Variants in TG observed in about 807,000 individuals in gnomAD.
The protein encoded by TG is thyroid hormones.
TG carries 270 observed loss-of-function variants against 324.7 expected under a neutral mutation model. The ratio of observed to expected loss-of-function variants is 0.83; its 90% confidence interval spans 0.75 to 0.92. The LOEUF is 0.92. Among genes scored for constraint, TG ranks in the 40% least tolerant of loss-of-function variants. The pLI, the probability that TG is intolerant of heterozygous loss-of-function variation, is 0.00. For missense variants in TG, 3,591 were observed against 3,456.4 expected (o/e 1.04, Z -0.98); for synonymous variants, 1,401 against 1,327.0 (o/e 1.06, Z -1.21).
intron 45 of TG, among the ~76,000 whole-genome samples, chr8:133,125,447 G>T (rs1564216208): frequency 6.6e-6 from 1 of 152,218 alleles, no homozygotes; most frequent in African/African-American, 2.4e-5. Context: ...CAAAGGCCAA[G>T]GCCCTAAGTG....
intron 39 of TG, among the ~76,000 whole-genome samples, chr8:133,021,035 G>C (rs1835513473): frequency 1.3e-5 from 2 of 152,114 alleles, no homozygotes; most frequent in Admixed American, 1.3e-4. Flanking sequence ...CAGATCCCCA[G>C]CTCAGACACA....
intron 5 of TG, among the ~76,000 whole-genome samples, chr8:132,881,336 T>G (rs1210777390): frequency 6.6e-6 from 1 of 152,184 alleles, no homozygotes; most frequent in Non-Finnish European, 1.5e-5. Context: ...TTTTTTCAAC[T>G]ATGGGACTGG....
At chr8:132,999,165 G>T (rs1833193895) in intron 35 of TG, among the ~76,000 whole-genome samples, 1 of 152,188 alleles carries the variant, frequency 6.6e-6, no homozygotes, top group Admixed American at 6.5e-5. Context: ...GCAACAACGT[G>T]AGTTGGTTTC....
chr8:132,894,962 T>A (rs901984841), intron 11 of TG, among the ~76,000 whole-genome samples: 1 of 152,222 alleles, frequency 6.6e-6, no homozygotes, highest in Admixed American at 6.5e-5. Flanking sequence ...TGGGCCTGGA[T>A]GGGAAGCCCA....
chr8:132,949,051 T>A, intron 27 of TG, 108 bp downstream of exon 27: 4 of 920,656 alleles, frequency 4.3e-6, no homozygotes, highest in Admixed American at 2.8e-5. Flanking sequence ...AGCTTATACT[T>A]CTGAAAAAAA....
rs766474626 is a variant in TG at position 132,908,232 on chromosome 8, C to T, written c.3894C>T (p.Leu1298=). ...TCCAGACCCAAGGGCACTTTCAGCTCCAGCTCCCGCCGGGCAAGATGTGCA... is the reference window on the plus strand; with the variant it reads ...TCCAGACCCAAGGGCACTTTCAGCTTCAGCTCCCGCCGGGCAAGATGTGCA... The part of the protein sequence containing the change: ...QTIQTQGHFQ[L]QLPPGKMCSA... The change falls in exon 18 of 48, where the codon CTC becomes CTT. Residue 1298 remains leucine (L), a synonymous_variant. Coordinates refer to ENST00000220616, the MANE Select transcript of TG (RefSeq NM_003235.5). 15 of 1,614,012 alleles carry T rather than the reference C, an allele frequency of 9.3e-6. No individual in the cohort carries two copies. Among genetic ancestry groups the T allele is most frequent in the Non-Finnish European group, 1.1e-5 (13 of 1,180,004 alleles).
intron 41 of TG, among the ~76,000 whole-genome samples, chr8:133,075,704 G>C (rs533231475): frequency 6.6e-6 from 1 of 152,116 alleles, no homozygotes; most frequent in Admixed American, 6.5e-5. Context: ...TGGCACAAAA[G>C]TTATTGTGGT....
intron 45 of TG, among the ~76,000 whole-genome samples, chr8:133,119,060 T>C (rs1242396966): frequency 6.6e-6 from 1 of 151,672 alleles, no homozygotes. Flanking sequence ...GGGGAGGGAG[T>C]GTGGCCCTGC....
chr8:133,031,849 C>T (rs981339336), intron 41 of TG, among the ~76,000 whole-genome samples: 1 of 152,218 alleles, frequency 6.6e-6, no homozygotes, highest in Admixed American at 6.5e-5. Flanking sequence ...CCATCCCCCT[C>T]TTTGCCTGCC....
intron 41 of TG, among the ~76,000 whole-genome samples, chr8:133,042,123 CTG>C (rs1239278772): frequency 3.3e-5 from 5 of 152,096 alleles, no homozygotes; most frequent in Non-Finnish European, 5.9e-5. Context: ...GAGGGAAAAA[CTG>C]AGCATCCCGA....
At chr8:133,016,472 A>G (rs971013710) in intron 37 of TG, among the ~76,000 whole-genome samples, 13 of 152,300 alleles carry the variant, frequency 8.5e-5, no homozygotes, top group African/African-American at 2.9e-4. Context: ...GAACCTCTAT[A>G]TGATACAAAG....
At chr8:132,949,670 C>A (rs980358763) in intron 27 of TG, among the ~76,000 whole-genome samples, 6 of 152,194 alleles carry the variant, frequency 3.9e-5, no homozygotes, top group African/African-American at 1.4e-4. Context: ...ATTGCATGGA[C>A]TCAACTAACA....
At chr8:132,927,676 A>T (rs1311975247) in intron 22 of TG, among the ~76,000 whole-genome samples, 5 of 152,348 alleles carry the variant, frequency 3.3e-5, no homozygotes, top group African/African-American at 1.2e-4. Flanking sequence ...CTCTTTTCTG[A>T]AAACCAGCAG....
chr8:133,116,734 A>G lies in TG; in HGVS notation c.7862+18A>G. The G allele has an allele frequency of 6.2e-7, 1 of 1,606,122 alleles. No individual in the cohort carries two copies. Among genetic ancestry groups the G allele is most frequent in the Non-Finnish European group, 8.5e-7 (1 of 1,172,692 alleles). On this transcript the variant is annotated intron_variant, in intron 45 of 47. Transcript: ENST00000220616. ...CATGGCAGGTAAGACGCTGCAGGGA[A>G]GCAGAGAAAGGAAGGTAAAACCGAA... is the stretch of plus-strand genomic sequence containing the variant.
chr8:132,895,989 G>C (rs1217958925), intron 11 of TG, among the ~76,000 whole-genome samples: 2 of 152,242 alleles, frequency 1.3e-5, no homozygotes, highest in African/African-American at 4.8e-5. Flanking sequence ...TCTTTTCCCT[G>C]AGAGTCTGGG....
Position 132,971,825 on chromosome 8 carries a change from G to A in TG, c.6007G>A (p.Asp2003Asn). Residue 2003 changes from aspartate to asparagine, a missense_variant, in exon 33 of 48, where the codon GAC (aspartate) becomes AAC (asparagine). Asp to Asn is a conservative substitution (Grantham distance 23). Coordinates refer to ENST00000220616, the MANE Select transcript of TG (RefSeq NM_003235.5). Reference sequence around the variant, plus strand: ...TGAATGTGAACGACGGTGCGATGCGGACCCATGCTGCACTGGCTTTGGATT... The same window carrying A: ...TGAATGTGAACGACGGTGCGATGCGAACCCATGCTGCACTGGCTTTGGATT... ...FFECERRCDA[D>N]PCCTGFGFLN... The A allele has an allele frequency of 6.2e-7, 1 of 1,613,880 alleles. No homozygotes were observed. Among genetic ancestry groups the A allele is most frequent in the South Asian group, 1.1e-5 (1 of 91,070 alleles).
chr8:133,127,603 C>T (rs10086069), intron 45 of TG, among the ~76,000 whole-genome samples: 2,520 of 152,298 alleles, frequency 0.017, 67 homozygotes, highest in African/African-American at 0.058. Flanking sequence ...TAAAACATGA[C>T]CGTCAATTCT....
At chr8:133,029,240 AAAT>A (rs201699982) in intron 40 of TG, among the ~76,000 whole-genome samples, 27 of 145,126 alleles carry the variant, frequency 1.9e-4, no homozygotes, top group African/African-American at 5.7e-4. Context: ...TTAAAAAAAA[AAAT>A]AGTGTTGAGT....
chr8:133,094,261 G>A (rs891944820), intron 41 of TG, among the ~76,000 whole-genome samples: 1 of 48,354 alleles, frequency 2.1e-5, no homozygotes, highest in South Asian at 6.5e-4. Flanking sequence ...TTTTTTTTTT[G>A]ATGGAGTCTT....
Sources: allele counts gnomAD v4.1 joint callset (sites outside exome capture counted in the v4.1 genomes callset), GRCh38; gene constraint gnomAD v4.1.1; transcripts MANE v1.5; gene names NCBI Gene and HGNC (gene_info 2026-07-23, HGNC 2026-07-21).